CDYL: variants seen among roughly 807,000 people sequenced by gnomAD.
The protein encoded by CDYL is chromodomain Y like, also known as chromodomain Y-like protein.
In CDYL, 8 loss-of-function variants were observed where a neutral mutation model predicts 47.3. That is an observed-to-expected ratio of 0.17 (90% CI 0.10 to 0.31). The LOEUF (loss-of-function observed/expected upper bound fraction) is 0.31. Ranked by LOEUF, CDYL falls within the 10% of genes least tolerant of loss-of-function variation. CDYL has a pLI of 1.00. For synonymous variants in CDYL, 266 were observed against 265.0 expected (o/e 1.00, Z -0.04); for missense variants, 471 against 701.4 (o/e 0.67, Z 3.71).
chr6:4,900,393 A>G (rs1430565969), intron 2 of CDYL, among the ~76,000 whole-genome samples: 1 of 152,122 alleles, frequency 6.6e-6, no homozygotes, highest in Non-Finnish European at 1.5e-5. Context: ...AATTGTTTAC[A>G]TTTTGCCTCA....
chr6:4,884,039 A>C (rs1156967138), intron 1 of CDYL, among the ~76,000 whole-genome samples: 1 of 152,224 alleles, frequency 6.6e-6, no homozygotes, highest in Non-Finnish European at 1.5e-5. Flanking sequence ...TGAGAGCCAT[A>C]GACATGGTGG....
intron 2 of CDYL, among the ~76,000 whole-genome samples, chr6:4,894,882 T>TATATACACACGTAC (rs1561692322): frequency 1.4e-5 from 2 of 141,844 alleles, no homozygotes; most frequent in Non-Finnish European, 3.0e-5. Context: ...CACATGTGTA[T>TATATACACACGTAC]GTGTGTGTAT....
chr6:4,832,296 G>A (rs1413583465), intron 1 of CDYL, among the ~76,000 whole-genome samples: 3,616 of 151,432 alleles, frequency 0.024, 146 homozygotes, highest in African/African-American at 0.083. Context: ...GCATTGTTGA[G>A]TTTTGTCAAA....
intron 3 of CDYL, among the ~76,000 whole-genome samples, chr6:4,759,216 G>T (rs867512993): frequency 6.6e-6 from 1 of 151,962 alleles, no homozygotes; most frequent in South Asian, 2.1e-4. Context: ...TGATCCACGC[G>T]CCTCAGCCTC....
chr6:4,727,909 T>C (rs1291215115), intron 2 of CDYL, among the ~76,000 whole-genome samples: 1 of 152,150 alleles, frequency 6.6e-6, no homozygotes, highest in African/African-American at 2.4e-5. Flanking sequence ...TTGCTGGCTC[T>C]TTCTCCTGGG....
chr6:4,954,072 C>T lies in CDYL; in HGVS notation c.*16C>T. 6.2e-7 allele frequency: 1 copy of T among 1,610,000 alleles called. No individual in the cohort carries two copies. The highest frequency in any genetic ancestry group is 1.1e-5 in the South Asian group (1 of 90,442). The stretch of plus-strand genomic sequence containing the variant: ...TGAGTTCTGAGTGTCGGGCTGCCCA[C>T]TGGTGACACCGGGATCGGGCTGAGC... On this transcript the variant is annotated 3_prime_UTR_variant, in exon 7 of 7. Coordinates refer to ENST00000397588, the MANE Select transcript of CDYL (RefSeq NM_004824.4).
chr6:4,820,595 T>A (rs893487130), intron 1 of CDYL, among the ~76,000 whole-genome samples: 1 of 152,150 alleles, frequency 6.6e-6, no homozygotes, highest in African/African-American at 2.4e-5. Context: ...CACAGCCCTC[T>A]CACTAGTGGA....
At chr6:4,847,197 A>G (rs1023682081) in intron 1 of CDYL, among the ~76,000 whole-genome samples, 5 of 152,140 alleles carry the variant, frequency 3.3e-5, no homozygotes, top group African/African-American at 1.2e-4. Flanking sequence ...TCCCTCCTAG[A>G]GATTGGTATT....
intron 3 of CDYL, among the ~76,000 whole-genome samples, chr6:4,761,247 C>T (rs1758170655): frequency 1.3e-5 from 2 of 152,144 alleles, no homozygotes. Context: ...TAAACATATC[C>T]TTTCAAAGCT....
chr6:4,824,042 G>A (rs80121150), intron 1 of CDYL, among the ~76,000 whole-genome samples: 2 of 152,154 alleles, frequency 1.3e-5, no homozygotes, highest in African/African-American at 4.8e-5. Context: ...AGGTTCATCC[G>A]TGTTCCAGCA....
chr6:4,733,501 A>G (rs1757646304), intron 2 of CDYL, among the ~76,000 whole-genome samples: 2 of 152,050 alleles, frequency 1.3e-5, no homozygotes, highest in Non-Finnish European at 2.9e-5. Context: ...ATTACACAAG[A>G]CTAGTCTAAA....
rs1758108099 is a variant in CDYL, at chr6:4,758,351, A to ATATATATAT, written c.186+23507_186+23508insTATATATAT. On this transcript the variant is annotated intron_variant, in intron 3 of 8. Transcript: ENST00000328908. Reference sequence around the variant, plus strand: ...AAGACTCATGTCTTGAAAATAAATAAATATATATATATATATATATCTCTT... The same window carrying ATATATATAT: ...AAGACTCATGTCTTGAAAATAAATAATATATATATATATATATATATATATATATCTCTT... Among the ~76,000 whole-genome samples, 426 of 129,040 alleles carry ATATATATAT rather than the reference A, an allele frequency of 3.3e-3. 4 individuals carry two copies. The highest frequency in any genetic ancestry group is 0.012 in the African/African-American group (389 of 32,644). The allele number at this position is 129,040 out of a possible 152,430, so 84.7% of individuals were successfully genotyped here. A position where few individuals can be genotyped will look rare whatever the true frequency, so the allele number is the denominator to read the frequency against.
At chr6:4,931,723 T>C (rs1051747499) in intron 2 of CDYL, among the ~76,000 whole-genome samples, 8 of 151,988 alleles carry the variant, frequency 5.3e-5, no homozygotes, top group South Asian at 4.1e-4. Flanking sequence ...AGGAATTACA[T>C]TGGGGTGGGG....
chr6:4,719,661 T>C (rs762168266), intron 2 of CDYL, among the ~76,000 whole-genome samples: 6 of 152,102 alleles, frequency 3.9e-5, no homozygotes, highest in East Asian at 1.9e-4. Flanking sequence ...ATGATGGGGG[T>C]TGATCCTTGG....
intron 1 of CDYL, among the ~76,000 whole-genome samples, chr6:4,877,916 G>A (rs182259833): frequency 1.9e-4 from 29 of 152,232 alleles, no homozygotes; most frequent in Non-Finnish European, 4.0e-4. Context: ...GATGCATTTG[G>A]GGGAAATTTT....
intron 1 of CDYL, among the ~76,000 whole-genome samples, chr6:4,711,789 GCA>G (rs1397792953): frequency 6.6e-6 from 1 of 152,200 alleles, no homozygotes; most frequent in Non-Finnish European, 1.5e-5. Flanking sequence ...AGCAGGCTGG[GCA>G]CAGTGGCTCA....
intron 4 of CDYL, among the ~76,000 whole-genome samples, chr6:4,938,991 G>T (rs911662550): frequency 1.3e-5 from 2 of 152,142 alleles, no homozygotes; most frequent in African/African-American, 2.4e-5. Flanking sequence ...ATGAAAGTTG[G>T]CTATGCTTCT....
intron 1 of CDYL, among the ~76,000 whole-genome samples, chr6:4,862,619 A>G (rs960482393): frequency 6.6e-6 from 1 of 152,242 alleles, no homozygotes; most frequent in Non-Finnish European, 1.5e-5. Context: ...AATGCCCACT[A>G]TAGCTATTAG....
chr6:4,792,746 C>T (rs1030192842), intron 1 of CDYL, among the ~76,000 whole-genome samples: 24 of 152,022 alleles, frequency 1.6e-4, no homozygotes, highest in African/African-American at 4.1e-4. Flanking sequence ...TCTCTCATTT[C>T]GTTTTTTGTT....
Sources: allele counts gnomAD v4.1 joint callset (sites outside exome capture counted in the v4.1 genomes callset), GRCh38; gene constraint gnomAD v4.1.1; transcripts MANE v1.5; gene names NCBI Gene and HGNC (gene_info 2026-07-23, HGNC 2026-07-21).